Variants in CCDC150 observed in about 807,000 individuals in gnomAD.
The protein encoded by CCDC150 is coiled-coil domain containing 150, also known as coiled-coil domain-containing protein 150.
In CCDC150, 151 loss-of-function variants were observed where a neutral mutation model predicts 156.5. That is an observed-to-expected ratio of 0.97 (90% CI 0.85 to 1.10). The LOEUF is 1.10. CCDC150 is among the 50% of genes least tolerant of loss of function. The pLI is 0.00. For missense variants in CCDC150, 1,312 were observed against 1,268.1 expected (o/e 1.03, Z -0.53); for synonymous variants, 452 against 429.4 (o/e 1.05, Z -0.65).
At chr2:196,686,419 A>G (rs1879127) in intron 13 of CCDC150, 134,943 of 152,382 alleles carry the variant, frequency 0.89, 59,719 homozygotes, top group Admixed American at 0.92. Context: ...ATTTTAGTTC[A>G]TTTGCTTTTT....
At position 196,729,356 on chromosome 2, in the gene CCDC150, C is replaced by A. The variant is rs1158478062; in HGVS notation, c.2720C>A (p.Ala907Glu). The change falls in exon 23 of 28, where the codon GCG becomes GAG. Residue 907 changes from alanine to glutamate, a missense_variant. Transcript: ENST00000389175. The stretch of plus-strand genomic sequence containing the variant: ...ATTAAGCTCCACTTGTCAGCTAAGG[C>A]GAATAATGCTCAGAATATAGAAAGG... ...TQIKLHLSAK[A>E]NNAQNIERMK... 1.2e-6 allele frequency: 2 copies of A among 1,613,572 alleles called. No individual in the cohort carries two copies. The highest frequency in any genetic ancestry group is 2.2e-5 in the East Asian group (1 of 44,880).
At chr2:196,696,931 TCCA>T (rs1695863429) in intron 14 of CCDC150, among the ~76,000 whole-genome samples, 1 of 152,204 alleles carries the variant, frequency 6.6e-6, no homozygotes, top group East Asian at 1.9e-4. Context: ...GGTTTCAACC[TCCA>T]TTTACTGTGT....
chr2:196,714,461 G>A (rs932484313), intron 17 of CCDC150, among the ~76,000 whole-genome samples: 1 of 152,194 alleles, frequency 6.6e-6, no homozygotes, highest in African/African-American at 2.4e-5. Flanking sequence ...GTGGAAGCGG[G>A]AGGAGTGTAG....
At chr2:196,686,679 T>C (rs771581667) in intron 13 of CCDC150, among the ~76,000 whole-genome samples, 1 of 152,072 alleles carries the variant, frequency 6.6e-6, no homozygotes, top group Non-Finnish European at 1.5e-5. Context: ...GTTTGTTACA[T>C]AGGTAAATGT....
rs905344666 is a variant in CCDC150, at chr2:196,729,462, C to T, written c.2751+75C>T. On this transcript the variant is annotated intron_variant, in intron 23 of 27. Transcript: ENST00000389175. ...GTCAGTCAATGGTGTCTAGGGAAGACAGGTTTTAGAACCCTAGCAGCCCCA... is the reference window on the plus strand; with the variant it reads ...GTCAGTCAATGGTGTCTAGGGAAGATAGGTTTTAGAACCCTAGCAGCCCCA... The T allele has an allele frequency of 4.8e-6, 7 of 1,453,084 alleles. No individual in the cohort carries two copies. In the African/African-American group the frequency reaches 5.7e-5, roughly 12 times the overall value. 90.0% of individuals were successfully genotyped at this position (1,453,084 alleles called of 1,614,324 possible).
chr2:196,718,183 G>A (rs907847608), intron 17 of CCDC150: 3 of 161,050 alleles, frequency 1.9e-5, no homozygotes, highest in Non-Finnish European at 2.7e-5. Context: ...ATATCAATTT[G>A]TGCTTTTTTT....
intron 7 of CCDC150, among the ~76,000 whole-genome samples, chr2:196,668,181 C>T (rs1693965069): frequency 6.6e-6 from 1 of 151,668 alleles, no homozygotes; most frequent in Non-Finnish European, 1.5e-5. Context: ...GCCTGTAGTC[C>T]CAGCTACTTG....
At chr2:196,663,497 A>G (rs1436035888) in intron 5 of CCDC150, among the ~76,000 whole-genome samples, 1 of 152,010 alleles carries the variant, frequency 6.6e-6, no homozygotes, top group African/African-American at 2.4e-5. Flanking sequence ...AGAAGGTAAT[A>G]ATTGGAAAAT....
chr2:196,730,166 T>C (rs765059959), intron 25 of CCDC150, 48 bp downstream of exon 25: 7 of 1,524,402 alleles, frequency 4.6e-6, no homozygotes, highest in South Asian at 3.9e-5. Context: ...GCAAATGACA[T>C]GTGCCAAAGC....
intron 9 of CCDC150, 143 bp downstream of exon 9, chr2:196,672,580 C>T (rs1694267638): frequency 2.0e-6 from 1 of 489,246 alleles, no homozygotes; most frequent in South Asian, 4.1e-5. Context: ...TTTATTTCAT[C>T]TTTGAAACAT....
chr2:196,659,089 C>G (rs1336656459), intron 5 of CCDC150, among the ~76,000 whole-genome samples: 1 of 152,130 alleles, frequency 6.6e-6, no homozygotes, highest in Non-Finnish European at 1.5e-5. Context: ...AAAATAAATG[C>G]TTTGTGAACC....
At chr2:196,649,504 G>A (rs1002259272) in intron 2 of CCDC150, among the ~76,000 whole-genome samples, 76 of 152,234 alleles carry the variant, frequency 5.0e-4, no homozygotes, top group African/African-American at 1.5e-3. Context: ...ATGGTATACC[G>A]GTTTATAGCC....
chr2:196,703,013 T>A (rs1176492527), intron 15 of CCDC150, among the ~76,000 whole-genome samples: 1 of 152,210 alleles, frequency 6.6e-6, no homozygotes, highest in Non-Finnish European at 1.5e-5. Context: ...CATGTGAGAC[T>A]GCATTAACCC....
intron 17 of CCDC150, chr2:196,713,438 A>G (rs1167563714): frequency 6.4e-7 from 1 of 1,550,924 alleles, no homozygotes; most frequent in Non-Finnish European, 8.7e-7. Flanking sequence ...TGTAAACAGT[A>G]TAAAGGAAAG....
intron 13 of CCDC150, chr2:196,686,067 TG>T (rs1179922003): frequency 6.4e-6 from 1 of 155,520 alleles, no homozygotes; most frequent in African/African-American, 2.4e-5. Context: ...TTGTGTCTCT[TG>T]CTTTCAACAG....
chr2:196,650,264 C>T (rs1692798797), intron 2 of CCDC150, among the ~76,000 whole-genome samples: 1 of 152,172 alleles, frequency 6.6e-6, no homozygotes, highest in Non-Finnish European at 1.5e-5. Context: ...AATTTTTATC[C>T]TTCATTCTGT....
chr2:196,679,085 A>G (rs1694667403), intron 13 of CCDC150, among the ~76,000 whole-genome samples: 1 of 152,222 alleles, frequency 6.6e-6, no homozygotes. Context: ...TAGTGCTTAT[A>G]GAGAATCTCA....
intron 8 of CCDC150, among the ~76,000 whole-genome samples, chr2:196,671,427 C>CTTTTTTTTT (rs397987214): frequency 9.2e-6 from 1 of 108,612 alleles, no homozygotes; most frequent in Admixed American, 1.2e-4. Context: ...TTTTCTCTCT[C>CTTTTTTTTT]TTTTTTTTTT....
chr2:196,711,259 T>C (rs568082582), intron 15 of CCDC150, among the ~76,000 whole-genome samples: 1 of 152,306 alleles, frequency 6.6e-6, no homozygotes, highest in Admixed American at 6.5e-5. Context: ...CAGTACCCTC[T>C]TCCAGTAACT....
Sources: gnomAD v4.1 joint callset for allele counts (sites outside exome capture counted in the v4.1 genomes callset) on GRCh38, gnomAD v4.1.1 for gene constraint, MANE v1.5 for transcripts, NCBI Gene and HGNC (gene_info 2026-07-23, HGNC 2026-07-21) for gene names.